Variants in C12orf54 observed in about 807,000 individuals in gnomAD.
C12orf54 encodes uncharacterized protein C12orf54.
C12orf54 carries 24 observed loss-of-function variants against 26.4 expected under a neutral mutation model. The observed-to-expected ratio is 0.91, with a 90% CI of 0.66 to 1.28. The LOEUF (loss-of-function observed/expected upper bound fraction) is 1.28, where lower values mean the gene tolerates loss of function less well. Among genes scored for constraint, C12orf54 ranks in the 50% most tolerant of loss-of-function variants. The pLI, the probability that C12orf54 is intolerant of heterozygous loss-of-function variation, is 0.00. For missense variants in C12orf54, 154 were observed against 150.9 expected, an observed-to-expected ratio of 1.02 and a Z score of -0.11; for synonymous variants, 54 against 47.0, an observed-to-expected ratio of 1.15 and a Z score of -0.61.
chr12:48,447,595 T>G, the C12orf54 span, among the ~76,000 whole-genome samples: 1 of 152,144 alleles, frequency 6.6e-6, no homozygotes, highest in Non-Finnish European at 1.5e-5. Flanking sequence ...TTCTCTAATC[T>G]ATTCCTCCCT....
At chr12:48,426,713 G>A in the C12orf54 span, among the ~76,000 whole-genome samples, 6 of 152,086 alleles carry the variant, frequency 3.9e-5, no homozygotes, top group African/African-American at 1.2e-4. Context: ...CCCTATCCAC[G>A]AGCATGAATG....
chr12:48,438,749 T>A, the C12orf54 span, among the ~76,000 whole-genome samples: 1 of 152,168 alleles, frequency 6.6e-6, no homozygotes, highest in Non-Finnish European at 1.5e-5. Context: ...TATACAAAAA[T>A]TAATTCCAGA....
At chr12:48,496,100 G>A (rs1335700710) in intron 8 of C12orf54, 81 bp from the exon 9 acceptor site, 2 of 152,202 alleles carry the variant, frequency 1.3e-5, no homozygotes, top group Admixed American at 1.3e-4. Flanking sequence ...TTACTCTCAG[G>A]GTCACCTGCC....
At chr12:48,461,377 A>G in the C12orf54 span, among the ~76,000 whole-genome samples, 3 of 151,914 alleles carry the variant, frequency 2.0e-5, no homozygotes, top group African/African-American at 7.2e-5. Flanking sequence ...AACACTATGA[A>G]TCAACTTGAC....
At chr12:48,457,687 A>G in the C12orf54 span, among the ~76,000 whole-genome samples, 1 of 152,134 alleles carries the variant, frequency 6.6e-6, no homozygotes, top group South Asian at 2.1e-4. Context: ...GGGATGGGGA[A>G]GTCAGCTTCG....
chr12:48,447,212 C>CTGTGTG, the C12orf54 span, among the ~76,000 whole-genome samples: 437 of 91,038 alleles, frequency 4.8e-3, 2 homozygotes, highest in South Asian at 0.013. Context: ...CTCTCTTACT[C>CTGTGTG]TGTGTGTGTG....
chr12:48,473,175 G>A, the C12orf54 span: 6 of 1,445,442 alleles, frequency 4.2e-6, no homozygotes, highest in Non-Finnish European at 5.8e-6. Context: ...GGATGACAAG[G>A]AGGAGGATGA....
chr12:48,478,332 A>G (rs1057314140), upstream of C12orf54, among the ~76,000 whole-genome samples: 1 of 152,164 alleles, frequency 6.6e-6, no homozygotes, highest in Non-Finnish European at 1.5e-5. Flanking sequence ...CTTTGAAAAC[A>G]GGCACAAGAT....
the C12orf54 span, among the ~76,000 whole-genome samples, chr12:48,416,617 T>A: frequency 2.6e-5 from 4 of 152,130 alleles, no homozygotes; most frequent in African/African-American, 7.2e-5. Context: ...ATCCTAGCAC[T>A]TTGGGAGGCC....
the C12orf54 span, among the ~76,000 whole-genome samples, chr12:48,434,271 G>A: frequency 3.9e-5 from 6 of 152,218 alleles, no homozygotes; most frequent in East Asian, 1.9e-4. Context: ...TGGGAAGCTC[G>A]AACTGGGTGC....
At chr12:48,469,850 C>T in the C12orf54 span, among the ~76,000 whole-genome samples, 3 of 152,152 alleles carry the variant, frequency 2.0e-5, no homozygotes, top group South Asian at 2.1e-4. Flanking sequence ...ACAACACTGT[C>T]TCTTCCCACT....
the C12orf54 span, among the ~76,000 whole-genome samples, chr12:48,469,842 A>G: frequency 6.6e-6 from 1 of 152,162 alleles, no homozygotes; most frequent in Non-Finnish European, 1.5e-5. Flanking sequence ...GACTTCCCAC[A>G]ACACTGTCTC....
At chr12:48,464,725 T>A in the C12orf54 span, among the ~76,000 whole-genome samples, 2 of 151,960 alleles carry the variant, frequency 1.3e-5, no homozygotes, top group African/African-American at 2.4e-5. Context: ...AACAGACACA[T>A]AAACCAATAG....
At chr12:48,493,757 T>C (rs560220626) in intron 7 of C12orf54, among the ~76,000 whole-genome samples, 5 of 122,874 alleles carry the variant, frequency 4.1e-5, no homozygotes, top group Admixed American at 3.9e-4. Flanking sequence ...TCACTTTCTC[T>C]TCCATAACAA....
intron 2 of C12orf54, among the ~76,000 whole-genome samples, chr12:48,485,612 T>C (rs984646431): frequency 3.3e-5 from 5 of 152,198 alleles, no homozygotes; most frequent in Admixed American, 3.3e-4. Context: ...CTGTATACAC[T>C]GCCTCCTAGG....
chr12:48,495,241 C>A (rs1937887034), intron 8 of C12orf54, among the ~76,000 whole-genome samples: 1 of 152,052 alleles, frequency 6.6e-6, no homozygotes, highest in African/African-American at 2.4e-5. Flanking sequence ...AACAAAGATC[C>A]AAACAGAGTG....
upstream of C12orf54, among the ~76,000 whole-genome samples, chr12:48,481,913 G>A (rs1189429095): frequency 6.6e-6 from 1 of 152,162 alleles, no homozygotes; most frequent in East Asian, 1.9e-4. Flanking sequence ...TCTGTTCTTA[G>A]ATTTCTAGAC....
chr12:48,447,434 T>G, the C12orf54 span, among the ~76,000 whole-genome samples: 1 of 152,208 alleles, frequency 6.6e-6, no homozygotes, highest in African/African-American at 2.4e-5. Flanking sequence ...AAGACATCTC[T>G]TCTCAATTCA....
At chr12:48,440,155 G>T in the C12orf54 span, among the ~76,000 whole-genome samples, 1 of 151,938 alleles carries the variant, frequency 6.6e-6, no homozygotes, top group Non-Finnish European at 1.5e-5. Flanking sequence ...AACCTGGGAG[G>T]CGGAGGTTGC....
Sources: allele counts gnomAD v4.1 joint callset (sites outside exome capture counted in the v4.1 genomes callset), GRCh38; gene constraint gnomAD v4.1.1; transcripts MANE v1.5; gene names NCBI Gene and HGNC (gene_info 2026-07-23, HGNC 2026-07-21).